FOXP1: variants seen among roughly 807,000 people sequenced by gnomAD.
FOXP1 encodes the protein forkhead box P1, also known as forkhead box protein P1.
FOXP1 carries 15 observed loss-of-function variants against 98.2 expected under a neutral mutation model. The observed-to-expected ratio is 0.15, with a 90% CI of 0.10 to 0.24. FOXP1 has a LOEUF of 0.24. Ranked by LOEUF, FOXP1 falls within the 10% of genes least tolerant of loss-of-function variation. The probability of loss-of-function intolerance (pLI) is 1.00; values close to 1 mark genes in which losing one functional copy is unlikely to be tolerated. For missense variants in FOXP1, 633 were observed against 848.5 expected (o/e 0.75, Z 3.15); for synonymous variants, 371 against 314.5 (o/e 1.18, Z -1.90).
chr3:71,005,374 G>A (rs934118619), intron 12 of FOXP1, among the ~76,000 whole-genome samples: 6 of 140,682 alleles, frequency 4.3e-5, no homozygotes, highest in African/African-American at 1.6e-4. Context: ...TTATGAAGAC[G>A]GGTATAAGAG....
chr3:71,577,841 A>C (rs1373264606), intron 2 of FOXP1, among the ~76,000 whole-genome samples: 2 of 152,176 alleles, frequency 1.3e-5, no homozygotes, highest in Non-Finnish European at 2.9e-5. Context: ...CTCAGGTATA[A>C]AGTTCACCTG....
chr3:71,158,208 A>C (rs942915764), intron 6 of FOXP1, among the ~76,000 whole-genome samples: 22 of 150,966 alleles, frequency 1.5e-4, no homozygotes, highest in African/African-American at 5.4e-4. Flanking sequence ...AAAGAAAGGG[A>C]AAGAAAGAAA....
At chr3:70,988,166 T>C (rs1246722020) in intron 13 of FOXP1, 89 bp from the exon 14 acceptor site, 2 of 1,115,886 alleles carry the variant, frequency 1.8e-6, no homozygotes, top group Non-Finnish European at 2.8e-6. Flanking sequence ...AATTACGCTA[T>C]GGCACCACAG....
At position 71,439,950 on chromosome 3, in the gene FOXP1, G is replaced by GAAA. The variant is rs34186820; in HGVS notation, c.-168+53473_-168+53475dup. Reference sequence around the variant, plus strand: ...GCGAGAGAGTGAGACTCTGTCTCAGGAAAAAAAAAAAAAAAAGGAGGAAGT... The same window carrying GAAA: ...GCGAGAGAGTGAGACTCTGTCTCAGGAAAAAAAAAAAAAAAAAAAGGAGGAAGT... On this transcript the variant is annotated intron_variant, in intron 3 of 20. Transcript: ENST00000649528. Among the ~76,000 whole-genome samples the GAAA allele has an allele frequency of 4.1e-4, 55 of 132,984 alleles. 1 individual carries two copies. The highest frequency in any genetic ancestry group is 5.6e-4 in the Non-Finnish European group (36 of 63,752). 87.2% of individuals were successfully genotyped at this position (132,984 alleles called of 152,430 possible).
intron 3 of FOXP1, among the ~76,000 whole-genome samples, chr3:71,390,506 T>A (rs1560414918): frequency 6.7e-6 from 1 of 148,484 alleles, no homozygotes; most frequent in Non-Finnish European, 1.5e-5. Context: ...GCAAGGCTTC[T>A]GCTTAAAAGG....
At chr3:71,061,880 A>G (rs1027684140) in intron 7 of FOXP1, among the ~76,000 whole-genome samples, 1 of 152,208 alleles carries the variant, frequency 6.6e-6, no homozygotes, top group African/African-American at 2.4e-5. Context: ...GCTAGTCACA[A>G]CATTCTCTCC....
chr3:71,240,566 G>A (rs890470448), intron 5 of FOXP1, among the ~76,000 whole-genome samples: 2 of 151,146 alleles, frequency 1.3e-5, no homozygotes, highest in Admixed American at 6.6e-5. Context: ...TTTTTTAGAC[G>A]GAGTCTCGCT....
intron 6 of FOXP1, among the ~76,000 whole-genome samples, chr3:71,159,188 G>A (rs1041646883): frequency 6.0e-5 from 9 of 151,180 alleles, no homozygotes; most frequent in Non-Finnish European, 1.2e-4. Context: ...GAAACTGAGA[G>A]TAATGTATAA....
At chr3:71,337,451 C>T (rs781516984) in intron 4 of FOXP1, among the ~76,000 whole-genome samples, 19 of 152,124 alleles carry the variant, frequency 1.2e-4, no homozygotes, top group Non-Finnish European at 2.1e-4. Context: ...CTGATCTGTG[C>T]GCGAGCATGT....
At chr3:71,544,325 A>G (rs1286541506) in intron 2 of FOXP1, among the ~76,000 whole-genome samples, 1 of 151,512 alleles carries the variant, frequency 6.6e-6, no homozygotes, top group East Asian at 1.9e-4. Flanking sequence ...TCAATTACAT[A>G]TATTTCCACT....
At chr3:71,098,932 T>C (rs2056717899) in intron 7 of FOXP1, among the ~76,000 whole-genome samples, 1 of 152,194 alleles carries the variant, frequency 6.6e-6, no homozygotes, top group Non-Finnish European at 1.5e-5. Flanking sequence ...GTAGCACGGA[T>C]GATGACAGAA....
At chr3:71,556,503 G>T (rs2046143439) in intron 2 of FOXP1, among the ~76,000 whole-genome samples, 1 of 150,840 alleles carries the variant, frequency 6.6e-6, no homozygotes, top group African/African-American at 2.4e-5. Flanking sequence ...CTTGAACTCG[G>T]GAGGTGGAGG....
At chr3:71,543,651 C>T (rs1016967821) in intron 2 of FOXP1, 1 of 152,266 alleles carries the variant, frequency 6.6e-6, no homozygotes, top group African/African-American at 2.4e-5. Flanking sequence ...CACATGTGGC[C>T]AAGCAAAGCT....
At chr3:71,287,039 G>A (rs185342015) in intron 5 of FOXP1, among the ~76,000 whole-genome samples, 203 of 152,234 alleles carry the variant, frequency 1.3e-3, no homozygotes, top group Non-Finnish European at 2.3e-3. Flanking sequence ...AGTAATGAAC[G>A]TAGCTTTAAA....
rs72628634 is a variant in FOXP1 at position 71,473,530 on chromosome 3, G to T, written c.-168+19896C>A. 8.0e-4 allele frequency among the ~76,000 whole-genome samples: 122 copies of T among 152,166 alleles called. No homozygotes were observed. In the East Asian group the frequency reaches 0.019, roughly 24 times the overall value. On this transcript the variant is annotated intron_variant, in intron 3 of 20. Transcript: ENST00000649528. ...TAGCCTTCTCACAAGTAACAAAGTGGCAGGAAAAACCACCTATAACCCAAG... is the reference window on the plus strand; with the variant it reads ...TAGCCTTCTCACAAGTAACAAAGTGTCAGGAAAAACCACCTATAACCCAAG...
chr3:71,131,382 T>C (rs1181689575), intron 6 of FOXP1, among the ~76,000 whole-genome samples: 1 of 124,098 alleles, frequency 8.1e-6, no homozygotes, highest in Non-Finnish European at 1.6e-5. Context: ...GGAGGAAGAG[T>C]TGAACAGCCA....
chr3:71,496,588 G>A (rs531543097), intron 2 of FOXP1, among the ~76,000 whole-genome samples: 76 of 152,286 alleles, frequency 5.0e-4, no homozygotes, highest in African/African-American at 1.6e-3. Context: ...TTGGGAGGCC[G>A]AGGCGGGCGG....
At chr3:71,438,168 GA>G (rs1290476148) in intron 3 of FOXP1, among the ~76,000 whole-genome samples, 1 of 152,180 alleles carries the variant, frequency 6.6e-6, no homozygotes, top group Non-Finnish European at 1.5e-5. Flanking sequence ...TACAGGAATG[GA>G]ATAACATGTA....
intron 7 of FOXP1, among the ~76,000 whole-genome samples, chr3:71,085,821 C>G (rs2055026786): frequency 1.4e-5 from 2 of 138,774 alleles, no homozygotes; most frequent in Non-Finnish European, 3.0e-5. Context: ...CCTCCGCCTC[C>G]TGGGTTCAAG....
Sources: gnomAD v4.1 joint callset for allele counts (sites outside exome capture counted in the v4.1 genomes callset) on GRCh38, gnomAD v4.1.1 for gene constraint, MANE v1.5 for transcripts, NCBI Gene and HGNC (gene_info 2026-07-23, HGNC 2026-07-21) for gene names.